DPP3: variants seen among roughly 807,000 people sequenced by gnomAD.
DPP3 encodes the protein DPP III.
A neutral mutation model predicts 89.8 loss-of-function variants in DPP3; 64 were observed. That is an observed-to-expected ratio of 0.71 (90% CI 0.58 to 0.88). The LOEUF (loss-of-function observed/expected upper bound fraction) is 0.88. Among genes scored for constraint, DPP3 ranks in the 40% least tolerant of loss-of-function variants. The pLI is 0.00. For missense variants in DPP3, 835 were observed against 972.5 expected (o/e 0.86, Z 1.88); for synonymous variants, 377 against 404.3 (o/e 0.93, Z 0.81).
intron 17 of DPP3, 86 bp from the exon 18 acceptor site, chr11:66,508,993 G>A (rs1429496580): frequency 4.6e-6 from 7 of 1,523,530 alleles, no homozygotes; most frequent in African/African-American, 1.4e-5. Context: ...AGCTGCTGCT[G>A]TAATTGTGAT....
Position 66,491,693 on chromosome 11 carries a change from C to G in DPP3, c.930-5C>G. ...CTCCTCCACCTCTGCCCTTCTCTCC[C>G]CCAGTTACATCGGGTTCATCGAGAG... is the stretch of plus-strand genomic sequence containing the variant. On this transcript the variant is annotated splice_region_variant and splice_polypyrimidine_tract_variant and intron_variant, in intron 8 of 17. Coordinates refer to ENST00000531863, the MANE Select transcript of DPP3 (RefSeq NM_130443.4). The G allele has an allele frequency of 6.2e-7, 1 of 1,613,704 alleles. No individual in the cohort carries two copies. The highest frequency in any genetic ancestry group is 2.2e-5 in the East Asian group (1 of 44,840).
intron 2 of DPP3, among the ~76,000 whole-genome samples, 191 bp from the exon 3 acceptor site, chr11:66,484,982 G>A (rs900781772): frequency 2.0e-5 from 3 of 152,156 alleles, no homozygotes; most frequent in South Asian, 2.1e-4. Flanking sequence ...GCCAGACAAC[G>A]GGGGTGTGAA....
chr11:66,491,272 G>A lies in DPP3; in HGVS notation c.687G>A (p.Glu229=), dbSNP rs1489434898. The A allele has an allele frequency of 6.2e-7, 1 of 1,613,644 alleles. No individual in the cohort carries two copies. The highest frequency in any genetic ancestry group is 8.5e-7 in the Non-Finnish European group (1 of 1,179,950). ...VLGSEPSLDS[E]VTSKLKSYEF... is the part of the protein sequence containing the mutation. ...CCCCAGAGCCTTCCCTGGACTCTGA[G>A]GTGACTTCCAAGCTGAAGAGCTATG... is the stretch of plus-strand genomic sequence containing the variant. Residue 229 remains glutamate (E), a synonymous_variant, in exon 7 of 18, where the codon GAG becomes GAA. Transcript: ENST00000531863.
chr11:66,491,821 T>C, intron 9 of DPP3, 65 bp downstream of exon 9: 1 of 1,571,014 alleles, frequency 6.4e-7, no homozygotes, highest in Non-Finnish European at 8.8e-7. Context: ...ACGTTTCCAG[T>C]GTCCCCTGAT....
chr11:66,487,473 GC>G, intron 5 of DPP3, 131 bp downstream of exon 5: 1 of 918,464 alleles, frequency 1.1e-6, no homozygotes, highest in Non-Finnish European at 1.7e-6. Context: ...CGCGACCCCT[GC>G]CCACCCCAGG....
At chr11:66,494,229 G>A (rs1266118447) in intron 12 of DPP3, among the ~76,000 whole-genome samples, 2 of 152,152 alleles carry the variant, frequency 1.3e-5, no homozygotes, top group Admixed American at 1.3e-4. Flanking sequence ...AGTCATTTAT[G>A]GGGGGCTGAA....
intron 6 of DPP3, among the ~76,000 whole-genome samples, chr11:66,489,536 G>T (rs374510273): frequency 1.3e-5 from 2 of 152,238 alleles, no homozygotes; most frequent in East Asian, 1.9e-4. Context: ...AGTACAAGAT[G>T]CAGTTTCGGG....
chr11:66,483,591 T>C (rs1485262775), intron 2 of DPP3, among the ~76,000 whole-genome samples: 1 of 152,196 alleles, frequency 6.6e-6, no homozygotes, highest in African/African-American at 2.4e-5. Context: ...ACTGGACATT[T>C]AGCTTGTCCC....
chr11:66,509,428 A>G lies in DPP3; in HGVS notation c.*177A>G, dbSNP rs969851115. 2.0e-6 allele frequency: 3 copies of G among 1,533,410 alleles called. No individual in the cohort carries two copies. Among genetic ancestry groups the G allele is most frequent in the Non-Finnish European group, 2.6e-6 (3 of 1,144,416 alleles). 95.0% of individuals were successfully genotyped at this position (1,533,410 alleles called of 1,614,324 possible). Reference sequence around the variant, plus strand: ...TTTGTCAGCACTTTCCAGCCTGCCAATTGCTTCCCCTCTGTGATCTCATTT... The same window carrying G: ...TTTGTCAGCACTTTCCAGCCTGCCAGTTGCTTCCCCTCTGTGATCTCATTT... On this transcript the variant is annotated 3_prime_UTR_variant, in exon 18 of 18. Transcript: ENST00000531863.
intron 2 of DPP3, among the ~76,000 whole-genome samples, chr11:66,484,888 G>A (rs866619955): frequency 6.6e-6 from 1 of 152,314 alleles, no homozygotes; most frequent in Non-Finnish European, 1.5e-5. Context: ...GTAGCTTCAG[G>A]TGGCTGAGAG....
rs763300386 is a variant in DPP3, at chr11:66,495,625, C to T, written c.1578-5C>T. The T allele has an allele frequency of 1.2e-6, 2 of 1,614,024 alleles. No homozygotes were observed. Among genetic ancestry groups the T allele is most frequent in the East Asian group, 2.2e-5 (1 of 44,886 alleles). On this transcript the variant is annotated splice_polypyrimidine_tract_variant and splice_region_variant and intron_variant, in intron 14 of 17. Coordinates refer to ENST00000531863, the MANE Select transcript of DPP3 (RefSeq NM_130443.4). ...CATCCTGCCACCTGCCTGCCCCTCT[C>T]ACAGGATCTTTGGCTTTGAGGGGGC...
At chr11:66,500,283 G>A (rs570399544) in intron 16 of DPP3, among the ~76,000 whole-genome samples, 18 of 152,272 alleles carry the variant, frequency 1.2e-4, no homozygotes, top group African/African-American at 4.1e-4. Flanking sequence ...AAACCTGGAA[G>A]GTGGAGGTTG....
intron 6 of DPP3, among the ~76,000 whole-genome samples, chr11:66,490,545 C>T (rs993762126): frequency 8.5e-5 from 13 of 152,088 alleles, no homozygotes; most frequent in African/African-American, 1.7e-4. Flanking sequence ...ATGGGACTGT[C>T]GATTACATTT....
At chr11:66,499,508 G>A (rs1030715991) in intron 16 of DPP3, among the ~76,000 whole-genome samples, 3 of 152,120 alleles carry the variant, frequency 2.0e-5, no homozygotes, top group African/African-American at 7.2e-5. Context: ...GGTGGTTCAC[G>A]CCTGTAATCC....
chr11:66,498,732 G>A (rs145390405), intron 16 of DPP3, among the ~76,000 whole-genome samples: 144 of 152,290 alleles, frequency 9.5e-4, no homozygotes, highest in African/African-American at 3.3e-3. Flanking sequence ...CAATAAAACT[G>A]CTCAGTTTCC....
Position 66,495,193 on chromosome 11 carries a change from G to A in DPP3, c.1390-13G>A, listed in dbSNP as rs75604996. 1.1e-5 allele frequency: 18 copies of A among 1,612,114 alleles called. No individual in the cohort carries two copies. Among genetic ancestry groups the A allele is most frequent in the South Asian group, 8.8e-5 (8 of 91,000 alleles). On this transcript the variant is annotated splice_polypyrimidine_tract_variant and intron_variant, in intron 12 of 17. Coordinates refer to ENST00000531863, the MANE Select transcript of DPP3 (RefSeq NM_130443.4). ...TGGGGGCGCCTTTCCCTCACCCACC[G>A]TGTGTTCTGCAGGACGAAAAAGGAG...
chr11:66,504,878 C>T, intron 17 of DPP3, 104 bp downstream of exon 17: 1 of 1,285,106 alleles, frequency 7.8e-7, no homozygotes, highest in Non-Finnish European at 1.0e-6. Context: ...AGAACCTAAC[C>T]CAGCCTGGGA....
chr11:66,507,695 T>C (rs1478056579), intron 17 of DPP3, among the ~76,000 whole-genome samples: 1 of 151,164 alleles, frequency 6.6e-6, no homozygotes, highest in East Asian at 1.9e-4. Context: ...AAGTTTTTTT[T>C]TTTTTTTTTG....
intron 17 of DPP3, among the ~76,000 whole-genome samples, chr11:66,507,674 T>C: frequency 6.9e-6 from 1 of 145,258 alleles, no homozygotes; most frequent in Non-Finnish European, 1.5e-5. Context: ...GTGATGGTGG[T>C]GCACTGTAAA....
Sources: allele counts gnomAD v4.1 joint callset (sites outside exome capture counted in the v4.1 genomes callset), GRCh38; gene constraint gnomAD v4.1.1; transcripts MANE v1.5; gene names NCBI Gene and HGNC (gene_info 2026-07-23, HGNC 2026-07-21).